Variants in ARSB observed in about 807,000 individuals in gnomAD.
ARSB encodes the protein arylsulfatase B, also known as N-acetylgalactosamine-4-sulfatase.
Under a neutral mutation model 50.9 loss-of-function variants are expected in ARSB, and 41 were observed. That is an observed-to-expected ratio of 0.81 (90% CI 0.63 to 1.04). The LOEUF (loss-of-function observed/expected upper bound fraction) is 1.04. Among genes scored for constraint, ARSB ranks in the 50% least tolerant of loss-of-function variants. The probability of loss-of-function intolerance (pLI) is 0.00; values close to 1 mark genes in which losing one functional copy is unlikely to be tolerated. For synonymous variants in ARSB, 269 were observed against 284.8 expected, an observed-to-expected ratio of 0.94 and a Z score of 0.56; for missense variants, 672 against 693.3, an observed-to-expected ratio of 0.97 and a Z score of 0.35.
At chr5:78,913,130 T>C (rs1749380402) in intron 4 of ARSB, among the ~76,000 whole-genome samples, 1 of 151,436 alleles carries the variant, frequency 6.6e-6, no homozygotes, top group Non-Finnish European at 1.5e-5. Context: ...GCTTTTTTTT[T>C]TTTTTTCTTT....
chr5:78,868,922 C>T (rs968175029), intron 5 of ARSB, among the ~76,000 whole-genome samples: 7 of 151,740 alleles, frequency 4.6e-5, no homozygotes, highest in East Asian at 1.9e-4. Context: ...AAACCCATCT[C>T]ACGTGCAGAG....
intron 6 of ARSB, among the ~76,000 whole-genome samples, chr5:78,809,565 C>G (rs1241598879): frequency 6.6e-6 from 1 of 152,254 alleles, no homozygotes; most frequent in African/African-American, 2.4e-5. Flanking sequence ...GCTCAGCTCC[C>G]CAAGTCAGCG....
chr5:78,901,047 GAA>G (rs71001135), intron 4 of ARSB, among the ~76,000 whole-genome samples: 64 of 115,198 alleles, frequency 5.6e-4, no homozygotes, highest in Non-Finnish European at 8.4e-4. Flanking sequence ...TCCGTCTCAG[GAA>G]AAAAAAAAAA....
At chr5:78,787,947 CAG>C (rs1749135612) in intron 6 of ARSB, among the ~76,000 whole-genome samples, 1 of 152,090 alleles carries the variant, frequency 6.6e-6, no homozygotes, top group Non-Finnish European at 1.5e-5. Flanking sequence ...CGCCCAGAAA[CAG>C]AGCACTGAGG....
At chr5:78,844,384 G>A (rs1017517487) in intron 5 of ARSB, among the ~76,000 whole-genome samples, 1 of 151,838 alleles carries the variant, frequency 6.6e-6, no homozygotes, top group Non-Finnish European at 1.5e-5. Context: ...ATTTTAATGG[G>A]GCTACTTGTC....
chr5:78,893,158 T>G (rs1748398385), intron 4 of ARSB, among the ~76,000 whole-genome samples: 1 of 152,236 alleles, frequency 6.6e-6, no homozygotes, highest in African/African-American at 2.4e-5. Context: ...GCTCTCATTT[T>G]GCTTTTGCCT....
intron 5 of ARSB, among the ~76,000 whole-genome samples, chr5:78,876,139 G>A (rs1581080461): frequency 6.6e-6 from 1 of 151,688 alleles, no homozygotes; most frequent in African/African-American, 2.4e-5. Context: ...AAAAATGTTG[G>A]TAACATTAAA....
At chr5:78,813,797 A>G (rs1396481130) in intron 6 of ARSB, among the ~76,000 whole-genome samples, 1 of 152,170 alleles carries the variant, frequency 6.6e-6, no homozygotes, top group Non-Finnish European at 1.5e-5. Flanking sequence ...TCCAGATAAT[A>G]GAGTCATGCA....
chr5:78,852,770 T>G (rs1381188976), intron 5 of ARSB, among the ~76,000 whole-genome samples: 2 of 152,116 alleles, frequency 1.3e-5, no homozygotes, highest in African/African-American at 4.8e-5. Context: ...TTATTCTTTT[T>G]TCTCTAAACT....
intron 4 of ARSB, among the ~76,000 whole-genome samples, chr5:78,932,584 T>C (rs1750379989): frequency 6.6e-6 from 1 of 152,242 alleles, no homozygotes; most frequent in South Asian, 2.1e-4. Context: ...GATTATAAGC[T>C]TGAGCTCTGA....
intron 6 of ARSB, chr5:78,815,840 A>G: frequency 7.4e-7 from 1 of 1,345,138 alleles, no homozygotes; most frequent in East Asian, 3.0e-5. Context: ...CTTCAAAGAT[A>G]TTTTGAAATA....
chr5:78,872,830 AAAAG>A (rs1554078058), intron 5 of ARSB, among the ~76,000 whole-genome samples: 1 of 150,056 alleles, frequency 6.7e-6, no homozygotes, highest in African/African-American at 2.4e-5. Context: ...AAAAAAAAAA[AAAAG>A]AAAGGGGCTA....
In ARSB at chr5:78,985,131, C is replaced by T. The variant is rs1467754538; in HGVS notation, c.118G>A (p.Gly40Arg). 13 of 1,469,744 alleles carry T rather than the reference C, an allele frequency of 8.8e-6. No homozygotes were observed. The South Asian group carries it at 1.5e-4, about 17-fold the overall frequency. The allele number at this position is 1,469,744 out of a possible 1,614,324, so 91.0% of individuals were successfully genotyped here. ...LLLAPPGSGA[G>R]ASRPPHLVFL... ...ACCAGGTGGGGCGGCCGGCTGGCCC[C>T]GGCGCCCGAGCCCGGCGGCGCCAAC... Residue 40 changes from glycine (G) to arginine (R), a missense_variant, in exon 1 of 8, where the codon GGG becomes AGG. Physicochemically the swap from Gly to Arg is moderately radical, Grantham distance 125. Coordinates refer to ENST00000264914, the MANE Select transcript of ARSB (RefSeq NM_000046.5).
intron 6 of ARSB, among the ~76,000 whole-genome samples, chr5:78,810,548 T>C (rs12054837): frequency 0.14 from 21,249 of 152,256 alleles, 2,149 homozygotes; most frequent in African/African-American, 0.29. Context: ...GTTTTTGCCA[T>C]GAGAGCTCGT....
At position 78,885,797 on chromosome 5, in the gene ARSB, T is replaced by C; in HGVS notation, c.929A>G (p.Asn310Ser). The change falls in exon 5 of 8, where the codon AAT becomes AGT. Residue 310 changes from asparagine to serine, a missense_variant. Transcript: ENST00000264914. ...TTTTCTTCCTCGAAGGGGCCAGTTA[T>C]TACCCCCTGCCAAAGTCTGCCCTCC... ...DNGGQTLAGGNNWPLRGRKWS... is the reference protein window; with the variant it reads ...DNGGQTLAGGSNWPLRGRKWS... 1.2e-6 allele frequency: 2 copies of C among 1,614,202 alleles called. No homozygotes were observed. Among genetic ancestry groups the C allele is most frequent in the Non-Finnish European group, 1.7e-6 (2 of 1,180,040 alleles).
At chr5:78,940,212 T>G (rs1223616310) in intron 4 of ARSB, among the ~76,000 whole-genome samples, 4 of 152,236 alleles carry the variant, frequency 2.6e-5, no homozygotes, top group African/African-American at 7.2e-5. Flanking sequence ...TTGCAAAAAT[T>G]TTCTACCATT....
chr5:78,784,771 T>A (rs1360019072), intron 6 of ARSB, among the ~76,000 whole-genome samples: 1 of 152,044 alleles, frequency 6.6e-6, no homozygotes, highest in Non-Finnish European at 1.5e-5. Context: ...AGATACGTTT[T>A]GCTAGTGTTT....
At position 78,827,218 on chromosome 5, in the gene ARSB, C is replaced by CT. The variant is rs979540377; in HGVS notation, c.1213+12137dup. On this transcript the variant is annotated intron_variant, in intron 6 of 7. Coordinates refer to ENST00000264914, the MANE Select transcript of ARSB (RefSeq NM_000046.5). ...ATCTTATATAAACTACTTCTCCTGC[C>CT]TTTTTTTTGAAATAGAGTCTTGCTC... Among the ~76,000 whole-genome samples, 7 of 151,908 alleles carry CT rather than the reference C, an allele frequency of 4.6e-5. No individual in the cohort carries two copies. The South Asian group carries it at 8.3e-4, about 18-fold the overall frequency.
Position 78,984,908 on chromosome 5 carries a change from G to A in ARSB, c.312+29C>T, listed in dbSNP as rs537289342. On this transcript the variant is annotated intron_variant, in intron 1 of 7. Coordinates refer to ENST00000264914, the MANE Select transcript of ARSB (RefSeq NM_000046.5). ...GGCGCCGGCGAAAGGCGGGGCGGGG[G>A]CGGCGCGGGCGGCGGGGGCGCCGCG... is the stretch of plus-strand genomic sequence containing the variant. 2,985 of 1,299,662 alleles carry A rather than the reference G, an allele frequency of 2.3e-3. 65 individuals are homozygous for A. In the African/African-American group the frequency reaches 0.041, roughly 18 times the overall value. 80.5% of individuals were successfully genotyped at this position (1,299,662 alleles called of 1,614,324 possible). A position where few individuals can be genotyped will look rare whatever the true frequency, so the allele number is the denominator to read the frequency against.
Sources: allele counts gnomAD v4.1 joint callset (sites outside exome capture counted in the v4.1 genomes callset), GRCh38; gene constraint gnomAD v4.1.1; transcripts MANE v1.5; gene names NCBI Gene and HGNC (gene_info 2026-07-23, HGNC 2026-07-21).